Variants in KALRN observed in about 807,000 individuals in gnomAD.
KALRN encodes kalirin RhoGEF kinase.
KALRN carries 70 observed loss-of-function variants against 353.7 expected under a neutral mutation model. That is an observed-to-expected ratio of 0.20 (90% CI 0.16 to 0.24). The LOEUF (loss-of-function observed/expected upper bound fraction) is 0.24. Among genes scored for constraint, KALRN ranks in the 10% least tolerant of loss-of-function variants. The probability of loss-of-function intolerance (pLI) is 1.00; values close to 1 mark genes in which losing one functional copy is unlikely to be tolerated. For missense variants in KALRN, 2,791 were observed against 3,756.7 expected, an observed-to-expected ratio of 0.74 and a Z score of 6.72; for synonymous variants, 1,391 against 1,434.8, an observed-to-expected ratio of 0.97 and a Z score of 0.69.
At chr3:124,427,705 C>A (rs2093086392) in intron 15 of KALRN, among the ~76,000 whole-genome samples, 1 of 152,194 alleles carries the variant, frequency 6.6e-6, no homozygotes. Flanking sequence ...GCTCTTAAGT[C>A]CCCAAGTAGT....
chr3:124,315,681 A>G (rs1418046193), intron 6 of KALRN, among the ~76,000 whole-genome samples: 2 of 146,586 alleles, frequency 1.4e-5, no homozygotes, highest in Non-Finnish European at 3.0e-5. Flanking sequence ...ACTTACACAT[A>G]CTCATCTATG....
intron 1 of KALRN, among the ~76,000 whole-genome samples, chr3:124,213,206 A>G (rs1232996952): frequency 6.6e-6 from 1 of 152,094 alleles, no homozygotes; most frequent in Non-Finnish European, 1.5e-5. Context: ...TAATCTCTCT[A>G]AAATTTATTT....
chr3:124,318,648 A>T (rs1247162510), intron 6 of KALRN, among the ~76,000 whole-genome samples: 1 of 152,346 alleles, frequency 6.6e-6, no homozygotes, highest in Non-Finnish European at 1.5e-5. Flanking sequence ...CTATTTTCTT[A>T]CTGATACTGA....
chr3:124,466,334 C>T (rs561055309), intron 25 of KALRN, among the ~76,000 whole-genome samples: 8 of 152,088 alleles, frequency 5.3e-5, no homozygotes, highest in Non-Finnish European at 1.0e-4. Context: ...AGACTTAGAC[C>T]TATTTTGATT....
At chr3:124,457,722 TG>T (rs2059457918) in intron 23 of KALRN, among the ~76,000 whole-genome samples, 1 of 152,208 alleles carries the variant, frequency 6.6e-6, no homozygotes, top group Non-Finnish European at 1.5e-5. Flanking sequence ...ACACAGATGG[TG>T]AGCAATGAAG....
intron 1 of KALRN, chr3:124,153,051 CCTT>C (rs1438595857): frequency 2.9e-5 from 6 of 208,552 alleles, no homozygotes; most frequent in South Asian, 1.1e-4. Flanking sequence ...ACAGCAGGAA[CCTT>C]CTTCTTTTTT....
chr3:124,611,469 A>G (rs10934675), intron 34 of KALRN, among the ~76,000 whole-genome samples: 48,078 of 152,064 alleles, frequency 0.32, 8,463 homozygotes, highest in Non-Finnish European at 0.39. Context: ...GATGGTTCCT[A>G]TTCATCCATA....
intron 9 of KALRN, among the ~76,000 whole-genome samples, chr3:124,336,471 A>G (rs1218234622): frequency 1.3e-5 from 2 of 152,052 alleles, no homozygotes; most frequent in Admixed American, 1.3e-4. Flanking sequence ...TGGGCCGTGA[A>G]TTGTGCAATA....
At chr3:124,565,058 A>G (rs1012321542) in intron 34 of KALRN, among the ~76,000 whole-genome samples, 16 of 152,184 alleles carry the variant, frequency 1.1e-4, no homozygotes, top group African/African-American at 3.6e-4. Flanking sequence ...CTCAGAACAT[A>G]TTTAAAACAC....
intron 1 of KALRN, among the ~76,000 whole-genome samples, chr3:124,214,566 C>A (rs1417972160): frequency 1.3e-5 from 2 of 152,194 alleles, no homozygotes; most frequent in Non-Finnish European, 2.9e-5. Context: ...GATATCCCAG[C>A]CTCCTAGAGG....
chr3:124,142,149 C>A (rs916563203), intron 1 of KALRN, among the ~76,000 whole-genome samples: 2 of 152,228 alleles, frequency 1.3e-5, no homozygotes, highest in Non-Finnish European at 2.9e-5. Flanking sequence ...TTACTGAGAT[C>A]CTGTGGCATG....
At chr3:124,658,546 G>A (rs2084386577) in intron 42 of KALRN, 29 bp downstream of exon 42, 4 of 1,582,738 alleles carry the variant, frequency 2.5e-6, no homozygotes, top group Middle Eastern at 1.7e-4. Context: ...GCTGAACTGG[G>A]GTGGGAGGAA....
chr3:124,547,250 TG>T (rs1387683464), intron 33 of KALRN, among the ~76,000 whole-genome samples: 1 of 152,234 alleles, frequency 6.6e-6, no homozygotes, highest in East Asian at 1.9e-4. Context: ...TCCTCCTGCC[TG>T]GGCTTCTCAA....
intron 5 of KALRN, among the ~76,000 whole-genome samples, chr3:124,286,725 T>G (rs2075947163): frequency 6.6e-6 from 1 of 152,252 alleles, no homozygotes; most frequent in Non-Finnish European, 1.5e-5. Context: ...GAACATTCCA[T>G]TTTTTAATCC....
intron 1 of KALRN, among the ~76,000 whole-genome samples, chr3:124,098,424 C>G (rs1281030100): frequency 1.3e-5 from 2 of 152,210 alleles, no homozygotes; most frequent in African/African-American, 4.8e-5. Context: ...TTCTGGCATC[C>G]CTGCCTGGGC....
At chr3:124,643,283 G>C (rs903123345) in intron 37 of KALRN, among the ~76,000 whole-genome samples, 7 of 151,732 alleles carry the variant, frequency 4.6e-5, no homozygotes, top group African/African-American at 1.5e-4. Context: ...AAAGTGCCAG[G>C]ATTGCAGGTG....
Position 124,719,037 on chromosome 3 carries a change from A to G in KALRN, c.8528A>G (p.Asn2843Ser). 2.5e-6 allele frequency: 4 copies of G among 1,613,952 alleles called. No individual in the cohort carries two copies. The highest frequency in any genetic ancestry group is 3.4e-6 in the Non-Finnish European group (4 of 1,179,984). Residue 2843 changes from asparagine (N) to serine (S), a missense_variant, in exon 60 of 60, where the codon AAC becomes AGC. Asn to Ser is a conservative substitution (Grantham distance 46). Transcript: ENST00000682506. The surrounding 1 kb of genome is among the most constrained non-coding windows in gnomAD (Gnocchi z 5.3). ...GHFHIHHLLG[N>S]PEFAAPEVIQ... ...TTCCACATTCACCACCTGCTGGGGA[A>G]CCCTGAGTTTGCTGCCCCAGAAGTC...
rs566861242 is a variant in KALRN, at chr3:124,635,553, A to G, written c.5568+1600A>G. Among the ~76,000 whole-genome samples the G allele has an allele frequency of 3.6e-4, 55 of 152,130 alleles. 1 individual carries two copies. The highest frequency in any genetic ancestry group is 6.8e-4 in the Non-Finnish European group (46 of 68,028). ...CTTGTTTGATTTCTGTATGTTTTTTATAAATGTTTGGGAGTGGGATGAACT... is the reference window on the plus strand; with the variant it reads ...CTTGTTTGATTTCTGTATGTTTTTTGTAAATGTTTGGGAGTGGGATGAACT... On this transcript the variant is annotated intron_variant, in intron 36 of 59. Coordinates refer to ENST00000682506, the MANE Select transcript of KALRN (RefSeq NM_001388419.1).
intron 1 of KALRN, among the ~76,000 whole-genome samples, chr3:124,051,083 C>T (rs1463915746): frequency 2.0e-5 from 3 of 152,106 alleles, no homozygotes; most frequent in Non-Finnish European, 4.4e-5. Context: ...CATCGGGATT[C>T]CATGTATATA....
Sources: allele counts gnomAD v4.1 joint callset (sites outside exome capture counted in the v4.1 genomes callset), GRCh38; gene constraint gnomAD v4.1.1; non-coding constraint Gnocchi (gnomAD v3.1); transcripts MANE v1.5; gene names NCBI Gene and HGNC (gene_info 2026-07-23, HGNC 2026-07-21).